Variants in FAM227B observed in about 807,000 individuals in gnomAD.
The protein encoded by FAM227B is family with sequence similarity 227 member B, also known as protein FAM227B.
In FAM227B, 88 loss-of-function variants were observed where a neutral mutation model predicts 73.8. The ratio of observed to expected loss-of-function variants is 1.19; its 90% CI spans 1.00 to 1.42. The LOEUF is 1.42. FAM227B is among the 40% of genes most tolerant of loss of function. The pLI is 0.00. For synonymous variants in FAM227B, 210 were observed against 190.5 expected, an observed-to-expected ratio of 1.10 and a Z score of -0.84; for missense variants, 632 against 590.9, an observed-to-expected ratio of 1.07 and a Z score of -0.72.
chr15:49,437,922 C>T (rs1680113412), intron 11 of FAM227B, among the ~76,000 whole-genome samples: 1 of 151,508 alleles, frequency 6.6e-6, no homozygotes, highest in African/African-American at 2.4e-5. Context: ...AAGGGCAATA[C>T]TCTCAAAAAA....
intron 8 of FAM227B, among the ~76,000 whole-genome samples, chr15:49,569,506 A>G (rs2152354869): frequency 6.6e-6 from 1 of 151,914 alleles, no homozygotes; most frequent in South Asian, 2.1e-4. Context: ...ATTATTTTGA[A>G]CGTATAAATC....
intron 13 of FAM227B, chr15:49,353,880 T>G (rs1454090237): frequency 1.3e-5 from 2 of 152,194 alleles, no homozygotes; most frequent in African/African-American, 4.8e-5. Context: ...GTCAATGACT[T>G]GAAATGAAAA....
chr15:49,375,372 T>G (rs2046092360), intron 11 of FAM227B, among the ~76,000 whole-genome samples: 1 of 152,184 alleles, frequency 6.6e-6, no homozygotes, highest in Non-Finnish European at 1.5e-5. Context: ...TATTACTTTA[T>G]TTTGGCATTT....
At chr15:49,506,586 G>A (rs2058602897) in intron 11 of FAM227B, among the ~76,000 whole-genome samples, 1 of 151,876 alleles carries the variant, frequency 6.6e-6, no homozygotes, top group Non-Finnish European at 1.5e-5. Context: ...AGATCATACA[G>A]AGTATGCCCT....
intron 13 of FAM227B, among the ~76,000 whole-genome samples, chr15:49,346,976 A>AT (rs1358950473): frequency 6.6e-6 from 1 of 152,196 alleles, no homozygotes; most frequent in Non-Finnish European, 1.5e-5. Flanking sequence ...TATCAAAAAC[A>AT]TTTTTTAAAA....
chr15:49,512,886 A>G (rs2059113468), intron 10 of FAM227B, among the ~76,000 whole-genome samples: 3 of 152,136 alleles, frequency 2.0e-5, no homozygotes, highest in Non-Finnish European at 4.4e-5. Flanking sequence ...TTTGCTGAGG[A>G]TGATGGCTTC....
At chr15:49,429,940 A>G (rs2050449057) in intron 11 of FAM227B, among the ~76,000 whole-genome samples, 1 of 151,978 alleles carries the variant, frequency 6.6e-6, no homozygotes, top group African/African-American at 2.4e-5. Flanking sequence ...TATGGAGAAC[A>G]AGAATTCTAA....
At chr15:49,563,313 A>G (rs2074398890) in intron 9 of FAM227B, among the ~76,000 whole-genome samples, 1 of 152,176 alleles carries the variant, frequency 6.6e-6, no homozygotes, top group South Asian at 2.1e-4. Context: ...AAGGAAAACT[A>G]CAAAACACTG....
intron 11 of FAM227B, among the ~76,000 whole-genome samples, chr15:49,447,385 C>T (rs1165603625): frequency 6.6e-6 from 1 of 151,576 alleles, no homozygotes; most frequent in Non-Finnish European, 1.5e-5. Context: ...GCAAAGATCA[C>T]AGAGCTAGTT....
At chr15:49,404,865 T>G (rs2048411510) in intron 11 of FAM227B, among the ~76,000 whole-genome samples, 1 of 150,040 alleles carries the variant, frequency 6.7e-6, no homozygotes, top group African/African-American at 2.4e-5. Flanking sequence ...GTCACTGATC[T>G]GTGTGTTTTT....
rs538895756 is a variant in FAM227B, at chr15:49,384,703, T to G, written c.1013-13304A>C. Among the ~76,000 whole-genome samples the G allele has an allele frequency of 9.1e-4, 139 of 152,152 alleles. 5 individuals carry two copies. The South Asian group carries it at 0.028, about 30-fold the overall frequency. The stretch of plus-strand genomic sequence containing the variant: ...TAAGCTGTGGCACAAAAATGCCTTA[T>G]AAACTGTTCTGCTGTGACTAGTAAT... On this transcript the variant is annotated intron_variant, in intron 11 of 15. Transcript: ENST00000299338.
chr15:49,468,663 T>C (rs2054474991), intron 11 of FAM227B, among the ~76,000 whole-genome samples: 1 of 152,188 alleles, frequency 6.6e-6, no homozygotes, highest in African/African-American at 2.4e-5. Flanking sequence ...GAGTCCTTTG[T>C]GTTGCCCCTT....
At chr15:49,588,503 C>T (rs1028392462) in intron 4 of FAM227B, among the ~76,000 whole-genome samples, 5 of 116,970 alleles carry the variant, frequency 4.3e-5, no homozygotes, top group Non-Finnish European at 8.5e-5. Flanking sequence ...GTCAGATAAC[C>T]GAGATAGACT....
intron 8 of FAM227B, among the ~76,000 whole-genome samples, chr15:49,570,030 G>A (rs1046738367): frequency 6.6e-5 from 10 of 151,892 alleles, no homozygotes; most frequent in African/African-American, 2.2e-4. Flanking sequence ...CAGACAATTA[G>A]GTTGATTTCC....
At chr15:49,541,200 A>T (rs1411131246) in intron 10 of FAM227B, among the ~76,000 whole-genome samples, 1 of 152,036 alleles carries the variant, frequency 6.6e-6, no homozygotes, top group African/African-American at 2.4e-5. Context: ...ATGTTCTAGG[A>T]TAGAGTTTTG....
At chr15:49,478,382 G>C (rs1440269065) in intron 11 of FAM227B, among the ~76,000 whole-genome samples, 1 of 151,204 alleles carries the variant, frequency 6.6e-6, no homozygotes, top group Non-Finnish European at 1.5e-5. Context: ...GTATATGTTG[G>C]ATATATTGAT....
At chr15:49,546,420 C>T (rs534952621) in intron 9 of FAM227B, among the ~76,000 whole-genome samples, 8 of 152,218 alleles carry the variant, frequency 5.3e-5, no homozygotes, top group African/African-American at 1.7e-4. Context: ...AATAAACATA[C>T]GTGTGCATGT....
chr15:49,446,869 G>A (rs1456048282), intron 11 of FAM227B, among the ~76,000 whole-genome samples: 3 of 151,566 alleles, frequency 2.0e-5, no homozygotes, highest in Non-Finnish European at 4.4e-5. Context: ...GGGGAGAAGT[G>A]AGGAAGGAGT....
intron 3 of FAM227B, among the ~76,000 whole-genome samples, chr15:49,608,349 C>T (rs953590209): frequency 6.6e-6 from 1 of 151,934 alleles, no homozygotes; most frequent in African/African-American, 2.4e-5. Context: ...TTATTATATG[C>T]TAATATAAAA....
Sources: allele counts gnomAD v4.1 joint callset (sites outside exome capture counted in the v4.1 genomes callset), GRCh38; gene constraint gnomAD v4.1.1; transcripts MANE v1.5; gene names NCBI Gene and HGNC (gene_info 2026-07-23, HGNC 2026-07-21).